Variants in ZNF566 observed in about 807,000 individuals in gnomAD.
ZNF566 encodes zinc finger protein 566.
In ZNF566, 27 loss-of-function variants were observed where a neutral mutation model predicts 32.8. That is an observed-to-expected ratio of 0.82 (90% CI 0.61 to 1.14). The LOEUF (loss-of-function observed/expected upper bound fraction) is 1.14, where lower values mean the gene tolerates loss of function less well. Among genes scored for constraint, ZNF566 ranks in the 50% most tolerant of loss-of-function variants. The pLI, the probability that ZNF566 is intolerant of heterozygous loss-of-function variation, is 0.00. For synonymous variants in ZNF566, 154 were observed against 159.5 expected (o/e 0.97, Z 0.26); for missense variants, 402 against 490.4 (o/e 0.82, Z 1.70).
rs747807201 is a variant in ZNF566 at position 36,476,627 on chromosome 19, CA to C, written c.-59-12del. On this transcript the variant is annotated splice_polypyrimidine_tract_variant and intron_variant, in intron 1 of 4. Transcript: ENST00000452939. ...TGGAGAAGGGTAGAGCTGGGAGAGG[CA>C]AAAGAAGATAGATAAGACCCCACTT... is the stretch of plus-strand genomic sequence containing the variant. The C allele has an allele frequency of 2.2e-5, 36 of 1,605,026 alleles. No individual in the cohort carries two copies. The highest frequency in any genetic ancestry group is 3.1e-5 in the Non-Finnish European group (36 of 1,176,590).
rs61615494 is a variant in ZNF566 at position 36,477,544 on chromosome 19, TG to T, written c.-59-929del. ...TGTTTCTGTTTTTTTTTTGTTTGTT[TG>T]TTTGTTTTTTTGAGACGGAGTCTTG... On this transcript the variant is annotated intron_variant, in intron 1 of 4. Coordinates refer to ENST00000452939, the MANE Select transcript of ZNF566 (RefSeq NM_001145344.1). Among the ~76,000 whole-genome samples the T allele has an allele frequency of 1.0e-3, 86 of 84,652 alleles. 9 individuals carry two copies. Among genetic ancestry groups the T allele is most frequent in the African/African-American group, 1.4e-3 (36 of 25,154 alleles). The allele number at this position is 84,652 out of a possible 152,430, so 55.5% of individuals were successfully genotyped here.
chr19:36,480,953 A>C (rs1219622559), intron 1 of ZNF566, among the ~76,000 whole-genome samples: 1 of 150,180 alleles, frequency 6.7e-6, no homozygotes, highest in Non-Finnish European at 1.5e-5. Flanking sequence ...TGAGGCAGGA[A>C]AATCGCTTGA....
At chr19:36,465,008 A>C (rs1326228611) in intron 4 of ZNF566, among the ~76,000 whole-genome samples, 1 of 152,190 alleles carries the variant, frequency 6.6e-6, no homozygotes, top group Non-Finnish European at 1.5e-5. Flanking sequence ...CATGCGATTG[A>C]TCAAAAATGA....
chr19:36,449,720 C>T lies in ZNF566; in HGVS notation c.514G>A (p.Ala172Thr), dbSNP rs117540494. 10,369 of 1,614,042 alleles carry T rather than the reference C, an allele frequency of 6.4e-3. 57 individuals are homozygous for T. Among genetic ancestry groups the T allele is most frequent in the Non-Finnish European group, 7.5e-3 (8,831 of 1,180,002 alleles). Residue 172 changes from alanine (A) to threonine (T), a missense_variant, in exon 5 of 5, where the codon GCA becomes ACA. Physicochemically the swap from Ala to Thr is moderately conservative, Grantham distance 58. Around this residue, in one of 3 missense-constraint regions of ZNF566, gnomAD observed 220 missense variants for 241.9 expected, o/e 0.91. Coordinates refer to ENST00000452939, the MANE Select transcript of ZNF566 (RefSeq NM_001145344.1). ...QIINSKKKFC[A>T]SKEYRKTFRH... ...AAGGTTTTCCTATATTCTTTAGATG[C>T]ACAGAATTTCTTTTTACTGTTAATG...
At chr19:36,467,270 C>A (rs2033638324) in intron 4 of ZNF566, among the ~76,000 whole-genome samples, 1 of 150,056 alleles carries the variant, frequency 6.7e-6, no homozygotes, top group African/African-American at 2.5e-5. Context: ...CCCATCTCTA[C>A]TAAAAATATA....
At chr19:36,471,145 C>T (rs1292354882) in intron 4 of ZNF566, among the ~76,000 whole-genome samples, 5 of 140,042 alleles carry the variant, frequency 3.6e-5, no homozygotes, top group East Asian at 2.2e-4. Flanking sequence ...ACCTGGGAAG[C>T]GGAGGTTGCA....
At chr19:36,451,461 G>T (rs1023525351) in intron 4 of ZNF566, among the ~76,000 whole-genome samples, 1 of 152,176 alleles carries the variant, frequency 6.6e-6, no homozygotes, top group Admixed American at 6.5e-5. Flanking sequence ...AGTAATGACT[G>T]ACTGGCAGAA....
At position 36,448,294 on chromosome 19, in the gene ZNF566, T is replaced by A. The variant is rs940823386; in HGVS notation, c.*683A>T. 2 of 152,188 alleles carry A rather than the reference T, an allele frequency of 1.3e-5. No homozygotes were observed. The highest frequency in any genetic ancestry group is 2.9e-5 in the Non-Finnish European group (2 of 68,010). 9.4% of individuals were successfully genotyped at this position (152,188 alleles called of 1,614,324 possible). A position where few individuals can be genotyped will look rare whatever the true frequency, so the allele number is the denominator to read the frequency against. ...TCCAGCAGGGACTTGTATTTTGGCA[T>A]GTATTATGGCAAAATATCTAGAGGA... On this transcript the variant is annotated 3_prime_UTR_variant, in exon 5 of 5. Transcript: ENST00000452939.
rs186804546 is a variant in ZNF566 at position 36,475,613 on chromosome 19, G to A, written c.9+936C>T. 5.6e-4 allele frequency among the ~76,000 whole-genome samples: 86 copies of A among 152,230 alleles called. No individual in the cohort carries two copies. In the Middle Eastern group the frequency reaches 0.01, roughly 18 times the overall value. ...TAAATTCATATTAATTCAATGTGGG[G>A]AACACATTTCTGCCCTATCAGGATT... On this transcript the variant is annotated intron_variant, in intron 2 of 4. Transcript: ENST00000452939.
At chr19:36,473,098 T>C in intron 3 of ZNF566, 92 bp from the exon 4 acceptor site, 2 of 1,249,920 alleles carry the variant, frequency 1.6e-6, no homozygotes, top group Non-Finnish European at 2.3e-6. Context: ...GACATGGCAT[T>C]ATGAGAAGAG....
intron 4 of ZNF566, among the ~76,000 whole-genome samples, chr19:36,468,602 T>C (rs1297359471): frequency 2.0e-5 from 3 of 151,376 alleles, no homozygotes; most frequent in Admixed American, 2.0e-4. Flanking sequence ...CTAGACTCTG[T>C]CTCAAAAAAA....
rs1678340308 is a variant in ZNF566 at position 36,446,153 on chromosome 19, T to G, written c.*2824A>C. The G allele has an allele frequency of 6.6e-6, 1 of 152,172 alleles. No homozygotes were observed. The highest frequency in any genetic ancestry group is 2.4e-5 in the African/African-American group (1 of 41,458). The allele number at this position is 152,172 out of a possible 1,614,324, so 9.4% of individuals were successfully genotyped here. The stretch of plus-strand genomic sequence containing the variant: ...AATAAAATAATTGTGTGTTAATGTT[T>G]TAGCATGAAGAAATATATGGGTAAT... On this transcript the variant is annotated 3_prime_UTR_variant, in exon 5 of 5. Coordinates refer to ENST00000452939, the MANE Select transcript of ZNF566 (RefSeq NM_001145344.1).
intron 1 of ZNF566, among the ~76,000 whole-genome samples, chr19:36,484,652 C>T (rs1336100145): frequency 7.0e-6 from 1 of 142,118 alleles, no homozygotes; most frequent in Non-Finnish European, 1.5e-5. Flanking sequence ...TGCAGTGGCG[C>T]GATCTCAGCT....
At chr19:36,482,948 A>G (rs1422124980) in intron 1 of ZNF566, among the ~76,000 whole-genome samples, 1 of 152,226 alleles carries the variant, frequency 6.6e-6, no homozygotes, top group Admixed American at 6.5e-5. Context: ...TCCATTATAA[A>G]AAATTCAGGT....
chr19:36,467,064 G>A (rs1349402414), intron 4 of ZNF566, among the ~76,000 whole-genome samples: 4 of 142,492 alleles, frequency 2.8e-5, no homozygotes, highest in African/African-American at 7.9e-5. Context: ...GCGAGACTCC[G>A]TCAAAAAAAA....
At chr19:36,469,281 G>A (rs1353349167) in intron 4 of ZNF566, among the ~76,000 whole-genome samples, 1 of 151,894 alleles carries the variant, frequency 6.6e-6, no homozygotes, top group Non-Finnish European at 1.5e-5. Flanking sequence ...GCTTACGCCT[G>A]CAATCCCAGA....
In ZNF566 at chr19:36,445,346, T is replaced by C. The variant is rs2032967763; in HGVS notation, c.*3631A>G. ...TGGCATAACTGGTTTTATTCCTGGA[T>C]AGAAACAAGTCTGACATCCTGCATT... On this transcript the variant is annotated 3_prime_UTR_variant, in exon 5 of 5. Transcript: ENST00000452939. The C allele has an allele frequency of 6.6e-6, 1 of 152,210 alleles. No individual in the cohort carries two copies. The highest frequency in any genetic ancestry group is 1.5e-5 in the Non-Finnish European group (1 of 68,034). The allele number at this position is 152,210 out of a possible 1,614,324, so 9.4% of individuals were successfully genotyped here.
At chr19:36,460,919 GAA>G (rs1285852003) in intron 4 of ZNF566, among the ~76,000 whole-genome samples, 1 of 152,076 alleles carries the variant, frequency 6.6e-6, no homozygotes, top group African/African-American at 2.4e-5. Flanking sequence ...TTATTGTGCT[GAA>G]AAAAAGAGTT....
chr19:36,486,200 A>G (rs1262100424), intron 1 of ZNF566, among the ~76,000 whole-genome samples: 1 of 152,222 alleles, frequency 6.6e-6, no homozygotes, highest in East Asian at 1.9e-4. Context: ...AAACAATACA[A>G]TTCAATGCAG....
Sources: gnomAD v4.1 joint callset for allele counts (sites outside exome capture counted in the v4.1 genomes callset) on GRCh38, gnomAD v4.1.1 for gene constraint, gnomAD v4.1.1 regional missense constraint, MANE v1.5 for transcripts, NCBI Gene and HGNC (gene_info 2026-07-23, HGNC 2026-07-21) for gene names.